RIC8B: variants seen among roughly 807,000 people sequenced by gnomAD.
The protein encoded by RIC8B is chaperone Ric-8B.
In RIC8B, 16 loss-of-function variants were observed where a neutral mutation model predicts 57.5. That is an observed-to-expected ratio of 0.28 (90% CI 0.19 to 0.42). The LOEUF is 0.42. Ranked by LOEUF, RIC8B falls within the 10% of genes least tolerant of loss-of-function variation. The pLI is 1.00. For synonymous variants in RIC8B, 216 were observed against 250.8 expected (o/e 0.86, Z 1.31); for missense variants, 481 against 677.0 (o/e 0.71, Z 3.21).
intron 2 of RIC8B, among the ~76,000 whole-genome samples, chr12:106,797,129 C>A (rs1333303431): frequency 2.6e-5 from 4 of 152,160 alleles, no homozygotes. Context: ...TGAATAATTA[C>A]CATATGACCC....
intron 3 of RIC8B, among the ~76,000 whole-genome samples, chr12:106,825,424 A>G (rs1217324869): frequency 1.3e-5 from 2 of 152,224 alleles, no homozygotes; most frequent in Non-Finnish European, 2.9e-5. Context: ...AAACTGCAAC[A>G]GTGCACCATA....
At chr12:106,804,724 T>C (rs1413484295) in intron 2 of RIC8B, among the ~76,000 whole-genome samples, 1 of 152,140 alleles carries the variant, frequency 6.6e-6, no homozygotes, top group Non-Finnish European at 1.5e-5. Flanking sequence ...AGAAGAGAAA[T>C]ATGTTAAACA....
intron 7 of RIC8B, among the ~76,000 whole-genome samples, chr12:106,858,439 T>G (rs1949795575): frequency 6.6e-6 from 1 of 152,160 alleles, no homozygotes; most frequent in Non-Finnish European, 1.5e-5. Context: ...ACCATGTCAT[T>G]AAGAAAATGT....
chr12:106,806,515 A>G (rs2045029988), intron 2 of RIC8B, among the ~76,000 whole-genome samples: 2 of 151,960 alleles, frequency 1.3e-5, no homozygotes, highest in Non-Finnish European at 2.9e-5. Context: ...TCTCTAGGCA[A>G]TCTCATTTAC....
At chr12:106,856,553 G>T (rs765491594) in intron 7 of RIC8B, among the ~76,000 whole-genome samples, 2 of 152,106 alleles carry the variant, frequency 1.3e-5, no homozygotes, top group Non-Finnish European at 2.9e-5. Context: ...ACTTATCCTT[G>T]AAGACCAGCT....
At chr12:106,842,219 G>C (rs750414988) in intron 4 of RIC8B, among the ~76,000 whole-genome samples, 1 of 152,138 alleles carries the variant, frequency 6.6e-6, no homozygotes, top group Non-Finnish European at 1.5e-5. Flanking sequence ...TAAAACACCA[G>C]TGGATCCACA....
intron 9 of RIC8B, among the ~76,000 whole-genome samples, chr12:106,884,373 T>C (rs1194505101): frequency 6.6e-6 from 1 of 152,178 alleles, no homozygotes; most frequent in Admixed American, 6.5e-5. Flanking sequence ...GCTCCTCCAA[T>C]GCAGTTAGGG....
intron 1 of RIC8B, among the ~76,000 whole-genome samples, chr12:106,778,056 C>CAGT (rs2043573111): frequency 1.3e-5 from 2 of 152,178 alleles, no homozygotes; most frequent in African/African-American, 4.8e-5. Context: ...AAATGAGTTA[C>CAGT]ATGTGTAAAG....
At chr12:106,876,068 C>A (rs1323104114) in intron 9 of RIC8B, among the ~76,000 whole-genome samples, 2 of 152,024 alleles carry the variant, frequency 1.3e-5, no homozygotes, top group East Asian at 3.8e-4. Flanking sequence ...TAAACATGAT[C>A]TAATTTTTAG....
intron 2 of RIC8B, among the ~76,000 whole-genome samples, chr12:106,812,375 C>A (rs1432850354): frequency 5.3e-5 from 8 of 151,676 alleles, no homozygotes; most frequent in Non-Finnish European, 5.9e-5. Context: ...AATTTGTCTT[C>A]AGGCTCTGCT....
intron 1 of RIC8B, among the ~76,000 whole-genome samples, chr12:106,782,152 A>G (rs1046391718): frequency 6.6e-6 from 1 of 152,196 alleles, no homozygotes; most frequent in African/African-American, 2.4e-5. Flanking sequence ...ATAATAGAAT[A>G]CTGTCACATG....
At chr12:106,781,662 GT>G (rs2043768342) in intron 1 of RIC8B, among the ~76,000 whole-genome samples, 1 of 152,158 alleles carries the variant, frequency 6.6e-6, no homozygotes, top group African/African-American at 2.4e-5. Context: ...CAGAGGAACT[GT>G]TTAAAAGACA....
At chr12:106,848,985 C>T (rs1487477681) in intron 6 of RIC8B, among the ~76,000 whole-genome samples, 2 of 151,814 alleles carry the variant, frequency 1.3e-5, no homozygotes, top group Non-Finnish European at 2.9e-5. Context: ...GGGGGAGTGG[C>T]GGGAGAATGA....
At chr12:106,789,184 C>G (rs1048659489) in intron 2 of RIC8B, among the ~76,000 whole-genome samples, 28 of 152,212 alleles carry the variant, frequency 1.8e-4, no homozygotes, top group Admixed American at 3.9e-4. Context: ...GCTCCACTTG[C>G]AACAAGTTTC....
chr12:106,792,462 T>A (rs2044299741), intron 2 of RIC8B, among the ~76,000 whole-genome samples: 1 of 152,202 alleles, frequency 6.6e-6, no homozygotes, highest in Admixed American at 6.5e-5. Context: ...TCAGGTGCAT[T>A]TTCTCATATA....
chr12:106,806,976 C>A (rs1407418180), intron 2 of RIC8B, among the ~76,000 whole-genome samples: 1 of 152,170 alleles, frequency 6.6e-6, no homozygotes, highest in African/African-American at 2.4e-5. Flanking sequence ...ACAGAATTTT[C>A]CCCCAAACCT....
chr12:106,818,442 G>A (rs999074234), intron 3 of RIC8B, among the ~76,000 whole-genome samples: 7 of 151,920 alleles, frequency 4.6e-5, no homozygotes, highest in Non-Finnish European at 1.0e-4. Flanking sequence ...AGGATTACAG[G>A]CATGAGCCAC....
At chr12:106,858,684 T>C (rs958228601) in intron 7 of RIC8B, among the ~76,000 whole-genome samples, 1 of 152,046 alleles carries the variant, frequency 6.6e-6, no homozygotes, top group South Asian at 2.1e-4. Context: ...CAGTTACCAA[T>C]AGGTTTTAAG....
intron 2 of RIC8B, among the ~76,000 whole-genome samples, chr12:106,795,300 C>T (rs2044429028): frequency 6.6e-6 from 1 of 152,078 alleles, no homozygotes; most frequent in Non-Finnish European, 1.5e-5. Context: ...ACCCGTGGTT[C>T]GTCTTCTCAC....
Sources: allele counts gnomAD v4.1 joint callset (sites outside exome capture counted in the v4.1 genomes callset), GRCh38; gene constraint gnomAD v4.1.1; transcripts MANE v1.5; gene names NCBI Gene and HGNC (gene_info 2026-07-23, HGNC 2026-07-21).